Variants in KIAA1549L observed in about 807,000 individuals in gnomAD.
KIAA1549L encodes KIAA1549 like.
A neutral mutation model predicts 160.7 loss-of-function variants in KIAA1549L; 88 were observed. That is an observed-to-expected ratio of 0.55 (90% CI 0.46 to 0.65). KIAA1549L has a LOEUF of 0.65. KIAA1549L is among the 30% of genes least tolerant of loss of function. KIAA1549L has a pLI of 0.00. For missense variants in KIAA1549L, 2,258 were observed against 2,437.5 expected, an observed-to-expected ratio of 0.93 and a Z score of 1.55; for synonymous variants, 950 against 976.7, an observed-to-expected ratio of 0.97 and a Z score of 0.51.
At chr11:33,439,019 C>T (rs1400408434) in intron 1 of KIAA1549L, among the ~76,000 whole-genome samples, 13 of 152,054 alleles carry the variant, frequency 8.5e-5, no homozygotes, top group Non-Finnish European at 1.3e-4. Flanking sequence ...CTCTGCCTCT[C>T]GGATTCAAGC....
intron 1 of KIAA1549L, among the ~76,000 whole-genome samples, chr11:33,399,106 C>G (rs982762076): frequency 1.3e-5 from 2 of 152,098 alleles, no homozygotes. Flanking sequence ...GCATGCACCA[C>G]CACGCCTGGC....
At position 33,618,608 on chromosome 11, in the gene KIAA1549L, C is replaced by T; in HGVS notation, c.5355C>T (p.Asp1785=). Residue 1785 remains aspartate (D), a synonymous_variant, in exon 16 of 21, where the codon GAC becomes GAT. Coordinates refer to ENST00000658780, the MANE Select transcript of KIAA1549L (RefSeq NM_012194.3). ...CGAGTCCAGGGGAAACCGAGATGGA[C>T]CTTCTGGTGACTCGGGAGCGACCCC... is the stretch of plus-strand genomic sequence containing the variant. ...NSPSPGETEM[D]LLVTRERPRR... is the part of the protein sequence containing the mutation. 6.2e-7 allele frequency: 1 copy of T among 1,609,336 alleles called. No individual in the cohort carries two copies. Among genetic ancestry groups the T allele is most frequent in the Admixed American group, 1.7e-5 (1 of 59,472 alleles).
intron 1 of KIAA1549L, among the ~76,000 whole-genome samples, chr11:33,511,858 G>A (rs1315096329): frequency 6.6e-6 from 1 of 152,162 alleles, no homozygotes; most frequent in Non-Finnish European, 1.5e-5. Flanking sequence ...GTATTCAGAG[G>A]ACCTACCTTT....
intron 1 of KIAA1549L, among the ~76,000 whole-genome samples, chr11:33,386,409 G>A (rs1311090527): frequency 2.6e-5 from 4 of 152,278 alleles, no homozygotes; most frequent in East Asian, 1.9e-4. Context: ...GGCCAGATGT[G>A]GTGGCTCATG....
At chr11:33,379,134 G>C (rs1228270761) in intron 1 of KIAA1549L, among the ~76,000 whole-genome samples, 4 of 152,172 alleles carry the variant, frequency 2.6e-5, no homozygotes, top group Admixed American at 2.6e-4. Context: ...TTACATGGCT[G>C]CTCTCCCTTG....
In KIAA1549L at chr11:33,544,384, G is replaced by C. The variant is rs752660598; in HGVS notation, c.2773+48G>C. The C allele has an allele frequency of 1.6e-5, 25 of 1,578,888 alleles. No homozygotes were observed. The East Asian group carries it at 2.2e-4, about 14-fold the overall frequency. Reference sequence around the variant, plus strand: ...TTTGTTTCCCGGTACCCCCAAAACAGGCATGACTGCTTTTGTGGTCAAAGC... The same window carrying C: ...TTTGTTTCCCGGTACCCCCAAAACACGCATGACTGCTTTTGTGGTCAAAGC... On this transcript the variant is annotated intron_variant, in intron 2 of 20. Coordinates refer to ENST00000658780, the MANE Select transcript of KIAA1549L (RefSeq NM_012194.3).
At chr11:33,558,297 T>C (rs1259190698) in intron 6 of KIAA1549L, among the ~76,000 whole-genome samples, 2 of 152,148 alleles carry the variant, frequency 1.3e-5, no homozygotes, top group Non-Finnish European at 2.9e-5. Context: ...GCAGGAGCAG[T>C]ACGGTACCCA....
In KIAA1549L at chr11:33,539,046, C is replaced by G. The variant is rs1049217936; in HGVS notation, c.239-2756C>G. ...TAATAATTTCAGTCTGTTGACATGT[C>G]TTTGAAACATGTTTTTCTGAAATTC... On this transcript the variant is annotated intron_variant, in intron 1 of 20. Transcript: ENST00000658780. Among the ~76,000 whole-genome samples the G allele has an allele frequency of 3.9e-5, 6 of 152,150 alleles. No individual in the cohort carries two copies. In the South Asian group the frequency reaches 8.3e-4, roughly 21 times the overall value.
chr11:33,602,739 T>G (rs915491950), intron 13 of KIAA1549L, among the ~76,000 whole-genome samples: 5 of 152,198 alleles, frequency 3.3e-5, no homozygotes, highest in Non-Finnish European at 7.4e-5. Context: ...GCATTAAAAA[T>G]CCCCATGAAC....
At chr11:33,581,626 A>C (rs1855647530) in intron 10 of KIAA1549L, among the ~76,000 whole-genome samples, 1 of 152,180 alleles carries the variant, frequency 6.6e-6, no homozygotes, top group African/African-American at 2.4e-5. Context: ...CACAGTAGGC[A>C]CTCGGGAAAT....
At chr11:33,430,755 G>C (rs1206492658) in intron 1 of KIAA1549L, among the ~76,000 whole-genome samples, 1 of 152,236 alleles carries the variant, frequency 6.6e-6, no homozygotes, top group Non-Finnish European at 1.5e-5. Context: ...GTCAGAAGCA[G>C]CCCTGGGAGG....
At chr11:33,641,572 G>GTATATATATA (rs10523183) in intron 16 of KIAA1549L, among the ~76,000 whole-genome samples, 5 of 96,762 alleles carry the variant, frequency 5.2e-5, no homozygotes, top group Admixed American at 1.3e-4. Flanking sequence ...TAATGGATCT[G>GTATATATATA]TATATATATA....
intron 1 of KIAA1549L, among the ~76,000 whole-genome samples, chr11:33,528,209 C>T (rs905374282): frequency 1.4e-4 from 22 of 151,982 alleles, no homozygotes; most frequent in African/African-American, 5.3e-4. Context: ...TACAAATGGC[C>T]AACAAACTAT....
At chr11:33,485,695 C>G (rs1852509449) in intron 1 of KIAA1549L, among the ~76,000 whole-genome samples, 1 of 152,054 alleles carries the variant, frequency 6.6e-6, no homozygotes, top group African/African-American at 2.4e-5. Flanking sequence ...TTGTTGTTAA[C>G]TATAATCACC....
chr11:33,560,107 T>C (rs1318008556), intron 7 of KIAA1549L, among the ~76,000 whole-genome samples, 196 bp downstream of exon 7: 1 of 152,226 alleles, frequency 6.6e-6, no homozygotes, highest in African/African-American at 2.4e-5. Flanking sequence ...AAATATGTGA[T>C]GGACTAAGAA....
chr11:33,617,111 G>C (rs1237252609), intron 15 of KIAA1549L, among the ~76,000 whole-genome samples: 3 of 150,102 alleles, frequency 2.0e-5, no homozygotes, highest in Non-Finnish European at 4.4e-5. Flanking sequence ...ACTCCAGCCA[G>C]GGTGACAGAT....
chr11:33,460,899 A>G (rs1851928053), intron 1 of KIAA1549L, among the ~76,000 whole-genome samples: 1 of 152,164 alleles, frequency 6.6e-6, no homozygotes, highest in African/African-American at 2.4e-5. Context: ...TAAGCTGAGC[A>G]AAACGTTCTG....
In KIAA1549L at chr11:33,668,354, G is replaced by T; in HGVS notation, c.*200G>T. The T allele has an allele frequency of 1.6e-6, 1 of 606,380 alleles. No individual in the cohort carries two copies. The allele number at this position is 606,380 out of a possible 1,614,324, so 37.6% of individuals were successfully genotyped here. The stretch of plus-strand genomic sequence containing the variant: ...TTCTTGGCTCATCCAACTGATTGTG[G>T]GTCAAGTCCCTGGCTTGGGGCCTTA... On this transcript the variant is annotated 3_prime_UTR_variant, in exon 21 of 21. Transcript: ENST00000658780.
intron 1 of KIAA1549L, among the ~76,000 whole-genome samples, chr11:33,425,888 A>C (rs1159471757): frequency 1.3e-5 from 2 of 152,236 alleles, no homozygotes; most frequent in African/African-American, 4.8e-5. Flanking sequence ...GCACAAGTTC[A>C]GTCTAAGCAC....
Sources: allele counts gnomAD v4.1 joint callset (sites outside exome capture counted in the v4.1 genomes callset), GRCh38; gene constraint gnomAD v4.1.1; transcripts MANE v1.5; gene names NCBI Gene and HGNC (gene_info 2026-07-23, HGNC 2026-07-21).